TP53BP1: variants seen among roughly 807,000 people sequenced by gnomAD.
TP53BP1 encodes the protein TP53-binding protein 1.
Under a neutral mutation model 200.8 loss-of-function variants are expected in TP53BP1, and 61 were observed. That is an observed-to-expected ratio of 0.30 (90% CI 0.25 to 0.38). TP53BP1 has a LOEUF of 0.38. Ranked by LOEUF, TP53BP1 falls within the 10% of genes least tolerant of loss-of-function variation. TP53BP1 has a pLI of 1.00. For missense variants in TP53BP1, 2,144 were observed against 2,371.9 expected (o/e 0.90, Z 2.00); for synonymous variants, 822 against 844.3 (o/e 0.97, Z 0.46).
In TP53BP1 at chr15:43,483,233, AACACACACACACACACACAC is replaced by A. The variant is rs71431896; in HGVS notation, c.372-2231_372-2212del. Among the ~76,000 whole-genome samples the A allele has an allele frequency of 5.6e-5, 8 of 142,822 alleles. No homozygotes were observed. In the East Asian group the frequency reaches 1.7e-3, roughly 30 times the overall value. The allele number at this position is 142,822 out of a possible 152,430, so 93.7% of individuals were successfully genotyped here. On this transcript the variant is annotated intron_variant, in intron 4 of 27. Coordinates refer to ENST00000382044, the MANE Select transcript of TP53BP1 (RefSeq NM_001141980.3). ...ATTAATCCTCCCCAAAAAAGTACAG[AACACACACACACACACACAC>A]ACACACACACACACACACAGAACAA...
At chr15:43,467,775 T>G (rs1342094323) in intron 11 of TP53BP1, among the ~76,000 whole-genome samples, 1 of 151,078 alleles carries the variant, frequency 6.6e-6, no homozygotes, top group African/African-American at 2.4e-5. Flanking sequence ...TGTTTATAGC[T>G]CATTCTTAAA....
intron 15 of TP53BP1, among the ~76,000 whole-genome samples, chr15:43,439,845 CA>C (rs2045885186): frequency 6.6e-6 from 1 of 152,164 alleles, no homozygotes; most frequent in Non-Finnish European, 1.5e-5. Context: ...TGCACAAGTA[CA>C]GACTAATAAC....
At chr15:43,489,551 C>A (rs752942554) in intron 4 of TP53BP1, among the ~76,000 whole-genome samples, 1 of 152,190 alleles carries the variant, frequency 6.6e-6, no homozygotes. Context: ...AAAAGAACAC[C>A]TGGCCTCAGT....
At chr15:43,460,569 A>G (rs1343597345) in intron 11 of TP53BP1, among the ~76,000 whole-genome samples, 1 of 152,036 alleles carries the variant, frequency 6.6e-6, no homozygotes, top group Non-Finnish European at 1.5e-5. Flanking sequence ...TTTTTTTCCT[A>G]TGATTTTTAA....
rs1376329867 is a variant in TP53BP1, at chr15:43,407,352, C to T, written c.*31G>A. 2 of 1,599,484 alleles carry T rather than the reference C, an allele frequency of 1.3e-6. No individual in the cohort carries two copies. The highest frequency in any genetic ancestry group is 1.7e-5 in the Admixed American group (1 of 59,776). On this transcript the variant is annotated 3_prime_UTR_variant, in exon 28 of 28. Coordinates refer to ENST00000382044, the MANE Select transcript of TP53BP1 (RefSeq NM_001141980.3). The stretch of plus-strand genomic sequence containing the variant: ...GGTTAAAACACAATCTCCACGATAG[C>T]AGGGAATAAAACCAGTAAGACCAAG...
chr15:43,456,488 C>G lies in TP53BP1; in HGVS notation c.2120G>C (p.Cys707Ser). ...SLTETQSQGL[C>S]LQKEMPKKEC... Reference sequence around the variant, plus strand: ...TTTTTTTGGCATTTCCTTTTGAAGACACAACCCTTGGGACTGAGTTTCAGT... The same window carrying G: ...TTTTTTTGGCATTTCCTTTTGAAGAGACAACCCTTGGGACTGAGTTTCAGT... The change falls in exon 12 of 28, where the codon TGT (cysteine) becomes TCT (serine). Residue 707 changes from cysteine to serine, a missense_variant. Cys to Ser is a moderately radical substitution (Grantham distance 112). This residue lies in a region of TP53BP1 where 1,700 missense variants were observed against 1,710.3 expected (regional missense o/e 0.99). Transcript: ENST00000382044. The G allele has an allele frequency of 3.2e-6, 5 of 1,575,390 alleles. No individual in the cohort carries two copies. Among genetic ancestry groups the G allele is most frequent in the Non-Finnish European group, 4.3e-6 (5 of 1,165,018 alleles).
chr15:43,426,322 C>G (rs1328126479), intron 18 of TP53BP1, among the ~76,000 whole-genome samples: 20 of 150,864 alleles, frequency 1.3e-4, no homozygotes, highest in Admixed American at 1.3e-3. Flanking sequence ...CACCTATAAT[C>G]CCAGCTACTC....
At chr15:43,469,397 A>AT (rs148254434) in intron 11 of TP53BP1, among the ~76,000 whole-genome samples, 29 of 152,298 alleles carry the variant, frequency 1.9e-4, no homozygotes, top group African/African-American at 6.5e-4. Flanking sequence ...ACGACACAAC[A>AT]TTAACTGGAA....
chr15:43,495,858 A>T (rs1222796360), upstream of TP53BP1, among the ~76,000 whole-genome samples: 1 of 152,108 alleles, frequency 6.6e-6, no homozygotes, highest in Non-Finnish European at 1.5e-5. Context: ...CTGACTAAAA[A>T]TAGATAAATA....
chr15:43,422,713 G>A lies in TP53BP1; in HGVS notation c.3829-587C>T, dbSNP rs576219901. 6.8e-4 allele frequency among the ~76,000 whole-genome samples: 103 copies of A among 152,326 alleles called. No homozygotes were observed. The South Asian group carries it at 0.02, about 30-fold the overall frequency. On this transcript the variant is annotated intron_variant, in intron 18 of 27. Transcript: ENST00000382044. ...TATATGCAAAAATAGGCTAAAAGGG[G>A]TCAGGTGTGGTGGCTCACGCCTGTA...
At chr15:43,465,051 A>G (rs2046537489) in intron 11 of TP53BP1, among the ~76,000 whole-genome samples, 1 of 152,272 alleles carries the variant, frequency 6.6e-6, no homozygotes, top group South Asian at 2.1e-4. Context: ...TCCTGAAAAC[A>G]TTATGCTAAA....
At chr15:43,502,916 C>G (rs2079216951) in intron 1 of TP53BP1, among the ~76,000 whole-genome samples, 1 of 151,614 alleles carries the variant, frequency 6.6e-6, no homozygotes, top group Non-Finnish European at 1.5e-5. Context: ...CCACCCCCAG[C>G]TAATTTTTGT....
intron 16 of TP53BP1, among the ~76,000 whole-genome samples, chr15:43,437,935 G>A (rs1271735735): frequency 6.6e-6 from 1 of 152,200 alleles, no homozygotes; most frequent in Non-Finnish European, 1.5e-5. Context: ...CATGGCACTA[G>A]CATCTAGACG....
intron 4 of TP53BP1, 92 bp from the exon 5 acceptor site, chr15:43,481,114 C>G: frequency 1.4e-6 from 2 of 1,474,166 alleles, no homozygotes; most frequent in Non-Finnish European, 1.9e-6. Flanking sequence ...CCAACCATCT[C>G]TTAGCCAAAC....
Position 43,441,595 on chromosome 15 carries a change from CA to C in TP53BP1, c.3041-13del. On this transcript the variant is annotated splice_polypyrimidine_tract_variant and intron_variant, in intron 14 of 27. Coordinates refer to ENST00000382044, the MANE Select transcript of TP53BP1 (RefSeq NM_001141980.3). The stretch of plus-strand genomic sequence containing the variant: ...ACCAGTTGCAGGCTCTGAATAAAAA[CA>C]AAACCAAGGAGAGAAAGGAAAGAGA... 6.2e-7 allele frequency: 1 copy of C among 1,600,452 alleles called. No homozygotes were observed. Among genetic ancestry groups the C allele is most frequent in the Non-Finnish European group, 8.6e-7 (1 of 1,167,914 alleles).
intron 17 of TP53BP1, 56 bp downstream of exon 17, chr15:43,432,138 G>A: frequency 6.4e-7 from 1 of 1,556,610 alleles, no homozygotes. Flanking sequence ...TAAATTCTCT[G>A]AGAATCCTGA....
At position 43,484,777 on chromosome 15, in the gene TP53BP1, G is replaced by T. The variant is rs561689473; in HGVS notation, c.372-3755C>A. On this transcript the variant is annotated intron_variant, in intron 4 of 27. Coordinates refer to ENST00000382044, the MANE Select transcript of TP53BP1 (RefSeq NM_001141980.3). ...TTTTGTTTTTTTTTTTTAAGATATGGTCTCACTCTGTTACACAAGCTAGAG... is the reference window on the plus strand; with the variant it reads ...TTTTGTTTTTTTTTTTTAAGATATGTTCTCACTCTGTTACACAAGCTAGAG... Among the ~76,000 whole-genome samples, 111 of 150,820 alleles carry T rather than the reference G, an allele frequency of 7.4e-4. 1 individual carries two copies. Among genetic ancestry groups the T allele is most frequent in the Admixed American group, 1.3e-3 (20 of 15,168 alleles).
chr15:43,472,466 T>C (rs1204560362), intron 10 of TP53BP1, among the ~76,000 whole-genome samples: 1 of 152,196 alleles, frequency 6.6e-6, no homozygotes, highest in Non-Finnish European at 1.5e-5. Context: ...GAAGCTTAAA[T>C]AATGAGATAA....
chr15:43,432,568 C>T lies in TP53BP1; in HGVS notation c.3301G>A (p.Val1101Ile). ...GAAGCAGGAGAAACAGGGTCCTTGA[C>T]AGGACTAATGGGCTTCATAGGCTGT... ...SQQPMKPISP[V>I]KDPVSPASQK... is the part of the protein sequence containing the mutation. The change falls in exon 17 of 28, where the codon GTC (valine) becomes ATC (isoleucine). Residue 1101 changes from valine to isoleucine, a missense_variant. Physicochemically the swap from Val to Ile is conservative, Grantham distance 29. Coordinates refer to ENST00000382044, the MANE Select transcript of TP53BP1 (RefSeq NM_001141980.3). The T allele has an allele frequency of 1.2e-6, 2 of 1,614,148 alleles. No homozygotes were observed. Among genetic ancestry groups the T allele is most frequent in the East Asian group, 4.5e-5 (2 of 44,888 alleles).
Sources: gnomAD v4.1 joint callset for allele counts (sites outside exome capture counted in the v4.1 genomes callset) on GRCh38, gnomAD v4.1.1 for gene constraint, gnomAD v4.1.1 regional missense constraint, MANE v1.5 for transcripts, NCBI Gene and HGNC (gene_info 2026-07-23, HGNC 2026-07-21) for gene names.